Variants in DPP6 observed in about 807,000 individuals in gnomAD.
DPP6 encodes the protein A-type potassium channel modulatory protein DPP6.
In DPP6, 69 loss-of-function variants were observed where a neutral mutation model predicts 122.6. The observed-to-expected ratio is 0.56, with a 90% CI of 0.46 to 0.69. The LOEUF (loss-of-function observed/expected upper bound fraction) is 0.69, where lower values mean the gene tolerates loss of function less well. Among genes scored for constraint, DPP6 ranks in the 30% least tolerant of loss-of-function variants. The probability of loss-of-function intolerance (pLI) is 0.00; values close to 1 mark genes in which losing one functional copy is unlikely to be tolerated. For synonymous variants in DPP6, 418 were observed against 433.1 expected (o/e 0.97, Z 0.43); for missense variants, 928 against 1,116.9 (o/e 0.83, Z 2.41).
chr7:154,663,310 T>C (rs1406513828), intron 6 of DPP6, among the ~76,000 whole-genome samples: 1 of 49,560 alleles, frequency 2.0e-5, no homozygotes, highest in African/African-American at 4.0e-5. Flanking sequence ...TTGGCCATAG[T>C]GTTCATAGAG....
At chr7:153,794,456 C>T in the DPP6 span, among the ~76,000 whole-genome samples, 16 of 152,174 alleles carry the variant, frequency 1.1e-4, no homozygotes, top group Admixed American at 9.2e-4. Context: ...TTTGGAACAG[C>T]TATATTTACC....
At chr7:154,717,866 A>G (rs1225497654) in intron 7 of DPP6, among the ~76,000 whole-genome samples, 3 of 152,172 alleles carry the variant, frequency 2.0e-5, no homozygotes, top group Non-Finnish European at 2.9e-5. Flanking sequence ...CATTTCCACC[A>G]ACAGTGTATA....
intron 7 of DPP6, among the ~76,000 whole-genome samples, chr7:154,704,742 G>T (rs1303058903): frequency 6.6e-6 from 1 of 152,104 alleles, no homozygotes; most frequent in African/African-American, 2.4e-5. Flanking sequence ...TAATACTTTT[G>T]CACAGTTACT....
At chr7:154,151,226 C>G (rs1394524260) in intron 1 of DPP6, among the ~76,000 whole-genome samples, 2 of 152,132 alleles carry the variant, frequency 1.3e-5, no homozygotes. Flanking sequence ...ATTGCTTCTG[C>G]CCGCCCCAGG....
At chr7:154,304,044 G>T (rs1806089612) in intron 1 of DPP6, among the ~76,000 whole-genome samples, 1 of 152,234 alleles carries the variant, frequency 6.6e-6, no homozygotes, top group Non-Finnish European at 1.5e-5. Context: ...TCACAGAGAT[G>T]CAAAGACTAG....
At chr7:154,173,780 A>G (rs1244226177) in intron 1 of DPP6, among the ~76,000 whole-genome samples, 1 of 152,084 alleles carries the variant, frequency 6.6e-6, no homozygotes, top group Non-Finnish European at 1.5e-5. Flanking sequence ...AGGAACGACC[A>G]CTCAGGGAGA....
At chr7:154,632,301 G>T (rs1317626802) in intron 5 of DPP6, among the ~76,000 whole-genome samples, 1 of 152,206 alleles carries the variant, frequency 6.6e-6, no homozygotes, top group Non-Finnish European at 1.5e-5. Context: ...TAGCTTCTTT[G>T]TAGGAGAGGA....
At chr7:153,826,351 G>A in the DPP6 span, among the ~76,000 whole-genome samples, 1 of 152,194 alleles carries the variant, frequency 6.6e-6, no homozygotes, top group Non-Finnish European at 1.5e-5. Flanking sequence ...TAGGTTGCCT[G>A]AACTGCTTTG....
intron 7 of DPP6, among the ~76,000 whole-genome samples, chr7:154,690,343 G>A (rs1839863818): frequency 6.6e-6 from 1 of 152,140 alleles, no homozygotes; most frequent in Non-Finnish European, 1.5e-5. Flanking sequence ...AGGACCAGCA[G>A]AGACGGTAAG....
rs1177628286 is a variant in DPP6 at position 154,875,105 on chromosome 7, AAAGAAAAAAAAAG to A, written c.1884-793_1884-781del. On this transcript the variant is annotated intron_variant, in intron 19 of 25. Transcript: ENST00000377770. This position sits in a 1 kb window ranked among gnomAD's most constrained non-coding sequence, Gnocchi z 4.5. ...ACAGAGTGAGACCCTGTCTCAAACA[AAAGAAAAAAAAAG>A]AAGAAAAGAAAAGAAAGAGAGAGAG... is the stretch of plus-strand genomic sequence containing the variant. Among the ~76,000 whole-genome samples the A allele has an allele frequency of 6.8e-6, 1 of 145,986 alleles. No individual in the cohort carries two copies. Among genetic ancestry groups the A allele is most frequent in the African/African-American group, 2.5e-5 (1 of 39,588 alleles).
intron 1 of DPP6, among the ~76,000 whole-genome samples, chr7:154,280,405 C>T (rs929673894): frequency 6.6e-6 from 1 of 152,148 alleles, no homozygotes; most frequent in African/African-American, 2.4e-5. Context: ...GGCAGCAGAC[C>T]TTGGCTCATA....
chr7:154,707,058 A>T (rs1457042640), intron 7 of DPP6, among the ~76,000 whole-genome samples: 1 of 152,196 alleles, frequency 6.6e-6, no homozygotes, highest in Non-Finnish European at 1.5e-5. Context: ...TCCTGAAGTA[A>T]TTTGCTGGAG....
At chr7:153,827,239 A>C in the DPP6 span, among the ~76,000 whole-genome samples, 42 of 152,348 alleles carry the variant, frequency 2.8e-4, no homozygotes, top group East Asian at 5.2e-3. Context: ...AACAATTTTC[A>C]GAAGAATATA....
At chr7:154,884,231 AC>A (rs1805852548) in intron 21 of DPP6, 1 of 145,382 alleles carries the variant, frequency 6.9e-6, no homozygotes, top group African/African-American at 2.6e-5. Context: ...ACCTGCTCAC[AC>A]ACACACATGC....
chr7:154,004,471 G>GTA (rs1311271496), intron 1 of DPP6, among the ~76,000 whole-genome samples: 6 of 151,780 alleles, frequency 4.0e-5, no homozygotes, highest in African/African-American at 1.5e-4. Context: ...TATCCAAAGT[G>GTA]TAAAGTCTTT....
At chr7:153,762,938 C>A in the DPP6 span, among the ~76,000 whole-genome samples, 1 of 152,168 alleles carries the variant, frequency 6.6e-6, no homozygotes, top group Non-Finnish European at 1.5e-5. Flanking sequence ...CAAATCCTCT[C>A]TTTTGGAAAC....
chr7:154,215,505 T>C (rs1799949869), intron 1 of DPP6, among the ~76,000 whole-genome samples: 1 of 152,158 alleles, frequency 6.6e-6, no homozygotes, highest in African/African-American at 2.4e-5. Context: ...AGAATACTAA[T>C]ACCAGAGTTC....
At chr7:154,004,251 A>T (rs996820164) in intron 1 of DPP6, among the ~76,000 whole-genome samples, 3 of 152,234 alleles carry the variant, frequency 2.0e-5, no homozygotes, top group Non-Finnish European at 4.4e-5. Context: ...TTAGTAAATC[A>T]ATCAACATTT....
At chr7:153,830,284 T>C in the DPP6 span, among the ~76,000 whole-genome samples, 1 of 152,208 alleles carries the variant, frequency 6.6e-6, no homozygotes, top group Non-Finnish European at 1.5e-5. Context: ...ATGTAACTCT[T>C]CTCTGAGATG....
Sources: allele counts gnomAD v4.1 joint callset (sites outside exome capture counted in the v4.1 genomes callset), GRCh38; gene constraint gnomAD v4.1.1; non-coding constraint Gnocchi (gnomAD v3.1); transcripts MANE v1.5; gene names NCBI Gene and HGNC (gene_info 2026-07-23, HGNC 2026-07-21).